FNIP1: variants seen among roughly 807,000 people sequenced by gnomAD.
FNIP1 encodes the protein folliculin interacting protein 1.
Under a neutral mutation model 124.5 loss-of-function variants are expected in FNIP1, and 40 were observed. The ratio of observed to expected loss-of-function variants is 0.32; its 90% CI spans 0.25 to 0.42. FNIP1 has a LOEUF of 0.42. FNIP1 is among the 10% of genes least tolerant of loss of function. The probability of loss-of-function intolerance (pLI) is 1.00; values close to 1 mark genes in which losing one functional copy is unlikely to be tolerated. For synonymous variants in FNIP1, 472 were observed against 470.6 expected (o/e 1.00, Z -0.04); for missense variants, 1,176 against 1,403.7 (o/e 0.84, Z 2.59).
chr5:131,700,552 T>C (rs1412094855), intron 10 of FNIP1, among the ~76,000 whole-genome samples: 1 of 152,250 alleles, frequency 6.6e-6, no homozygotes, highest in Non-Finnish European at 1.5e-5. Context: ...ACACGCTTTA[T>C]GTTTTTTCAA....
intron 1 of FNIP1, among the ~76,000 whole-genome samples, chr5:131,783,158 C>T (rs1580836357): frequency 1.3e-5 from 2 of 152,134 alleles, no homozygotes; most frequent in African/African-American, 4.8e-5. Flanking sequence ...CCTGTGTATG[C>T]TTATATACTA....
At chr5:131,651,254 G>A (rs1767030119) in intron 16 of FNIP1, among the ~76,000 whole-genome samples, 1 of 152,110 alleles carries the variant, frequency 6.6e-6, no homozygotes, top group Admixed American at 6.6e-5. Context: ...TTAGTCAGGT[G>A]TGGTAGCACG....
At chr5:131,702,391 T>G (rs1391467548) in intron 10 of FNIP1, among the ~76,000 whole-genome samples, 3 of 152,036 alleles carry the variant, frequency 2.0e-5, no homozygotes, top group Non-Finnish European at 4.4e-5. Context: ...TGTTGCTCAA[T>G]CTGAGTTTTT....
At chr5:131,653,653 T>G (rs190031360) in intron 15 of FNIP1, among the ~76,000 whole-genome samples, 257 of 152,334 alleles carry the variant, frequency 1.7e-3, no homozygotes, top group Admixed American at 3.5e-3. Flanking sequence ...TATGAAGTAT[T>G]GAAGATCTCT....
At position 131,776,260 on chromosome 5, in the gene FNIP1, G is replaced by T. The variant is rs76832274; in HGVS notation, c.92+20570C>A. 1.1e-4 allele frequency among the ~76,000 whole-genome samples: 16 copies of T among 152,160 alleles called. No individual in the cohort carries two copies. The East Asian group carries it at 2.9e-3, about 28-fold the overall frequency. ...ATCTTCTACATCCACAATTACATTG[G>T]GGTTAAACATATAATTCTGACACAT... On this transcript the variant is annotated intron_variant, in intron 1 of 17. Coordinates refer to ENST00000510461, the MANE Select transcript of FNIP1 (RefSeq NM_133372.3).
chr5:131,796,470 G>A (rs889840786), intron 1 of FNIP1: 1 of 267,868 alleles, frequency 3.7e-6, no homozygotes, highest in African/African-American at 2.2e-5. Context: ...CGGCGGCTGA[G>A]GTCCAATCCA....
At chr5:131,647,480 G>GT (rs1481648594) in intron 16 of FNIP1, among the ~76,000 whole-genome samples, 18 of 143,510 alleles carry the variant, frequency 1.3e-4, no homozygotes, top group Admixed American at 1.2e-3. Flanking sequence ...TTTTTTGTTT[G>GT]TTTTTTGTTT....
At chr5:131,756,933 G>A (rs1170256917) in intron 1 of FNIP1, among the ~76,000 whole-genome samples, 7 of 152,150 alleles carry the variant, frequency 4.6e-5, no homozygotes, top group Admixed American at 4.6e-4. Flanking sequence ...CTAATTTTCT[G>A]TACTACCACA....
chr5:131,687,569 AG>A (rs1325173425), intron 11 of FNIP1, among the ~76,000 whole-genome samples: 1 of 152,254 alleles, frequency 6.6e-6, no homozygotes, highest in Admixed American at 6.5e-5. Context: ...GAAAAACTGA[AG>A]GAACTGAAAA....
chr5:131,702,601 T>C (rs1403598394), intron 10 of FNIP1, among the ~76,000 whole-genome samples: 5 of 152,186 alleles, frequency 3.3e-5, no homozygotes, highest in African/African-American at 9.7e-5. Flanking sequence ...ATCCCATACA[T>C]CCTTCAAAAT....
In FNIP1 at chr5:131,671,670, A is replaced by AT. The variant is rs1386424977; in HGVS notation, c.2773dup (p.Ile925AsnfsTer6). The stretch of plus-strand genomic sequence containing the variant: ...AATGTCCCATTCAGTTCCTACAGCA[A>AT]TTTTTTTATCTGAACTCTCTTTATC... On this transcript the variant is annotated frameshift_variant, in exon 14 of 18. Coordinates refer to ENST00000510461, the MANE Select transcript of FNIP1 (RefSeq NM_133372.3). LOFTEE classifies it high-confidence loss of function. 1.9e-6 allele frequency: 3 copies of AT among 1,614,062 alleles called. No homozygotes were observed. Among genetic ancestry groups the AT allele is most frequent in the East Asian group, 2.2e-5 (1 of 44,868 alleles).
At chr5:131,658,831 C>A (rs1328040212) in intron 15 of FNIP1, among the ~76,000 whole-genome samples, 2 of 130,424 alleles carry the variant, frequency 1.5e-5, no homozygotes, top group Non-Finnish European at 3.1e-5. Flanking sequence ...GGCCACATTG[C>A]AGAACTTTGG....
intron 2 of FNIP1, among the ~76,000 whole-genome samples, chr5:131,739,436 T>C (rs1249271802): frequency 6.6e-6 from 1 of 152,238 alleles, no homozygotes; most frequent in Non-Finnish European, 1.5e-5. Context: ...GCCTTAATCA[T>C]ATACCAAAAT....
chr5:131,746,541 C>G (rs1282830748), intron 1 of FNIP1, among the ~76,000 whole-genome samples: 1 of 152,186 alleles, frequency 6.6e-6, no homozygotes. Flanking sequence ...ATTTTCTGTT[C>G]CTGCATTAAT....
rs148075882 is a variant in FNIP1 at position 131,670,500 on chromosome 5, C to T, written c.3071G>A (p.Arg1024His). The change falls in exon 15 of 18, where the codon CGT becomes CAT. Residue 1024 changes from arginine (R) to histidine (H), a missense_variant. Arg to His is a conservative substitution (Grantham distance 29). Around this residue, in one of 2 missense-constraint regions of FNIP1, gnomAD observed 1,109 missense variants for 1,288.5 expected, o/e 0.86. Transcript: ENST00000510461. ...LQGIGSDERF[R>H]QCLMSDLSHA... is the part of the protein sequence containing the mutation. Reference sequence around the variant, plus strand: ...AGATAAATCTGACATCAGACACTGACGGAACCTCTCATCACTCCCAATTCC... The same window carrying T: ...AGATAAATCTGACATCAGACACTGATGGAACCTCTCATCACTCCCAATTCC... 4.3e-5 allele frequency: 70 copies of T among 1,612,338 alleles called. No homozygotes were observed. Among genetic ancestry groups the T allele is most frequent in the Middle Eastern group, 1.6e-4 (1 of 6,080 alleles).
At chr5:131,785,220 T>A (rs1772166247) in intron 1 of FNIP1, among the ~76,000 whole-genome samples, 2 of 146,426 alleles carry the variant, frequency 1.4e-5, no homozygotes, top group Admixed American at 1.4e-4. Context: ...CATAACGCTA[T>A]TGGGCAGGGC....
chr5:131,682,204 G>A lies in FNIP1; in HGVS notation c.1203-3029C>T, dbSNP rs541530709. Among the ~76,000 whole-genome samples, 8 of 152,168 alleles carry A rather than the reference G, an allele frequency of 5.3e-5. No individual in the cohort carries two copies. In the East Asian group the frequency reaches 5.8e-4, roughly 11 times the overall value. On this transcript the variant is annotated intron_variant, in intron 11 of 17. Coordinates refer to ENST00000510461, the MANE Select transcript of FNIP1 (RefSeq NM_133372.3). ...TCATGAGTTTCTTCAGCATATTACC[G>A]TCTACTATAAGTCCATGTGTCATTG...
At chr5:131,731,365 C>T (rs1203663696) in intron 2 of FNIP1, among the ~76,000 whole-genome samples, 4 of 151,912 alleles carry the variant, frequency 2.6e-5, no homozygotes, top group African/African-American at 9.7e-5. Flanking sequence ...TCTCAAAACC[C>T]CTTTATGGGC....
chr5:131,788,593 C>T (rs1019702690), intron 1 of FNIP1, among the ~76,000 whole-genome samples: 1 of 149,920 alleles, frequency 6.7e-6, no homozygotes, highest in Non-Finnish European at 1.5e-5. Flanking sequence ...CCCAGCTACT[C>T]GGGAGGCTGA....
Sources: allele counts gnomAD v4.1 joint callset (sites outside exome capture counted in the v4.1 genomes callset), GRCh38; gene constraint gnomAD v4.1.1; regional missense constraint gnomAD v4.1.1; transcripts MANE v1.5; gene names NCBI Gene and HGNC (gene_info 2026-07-23, HGNC 2026-07-21).